Variants in ST6GALNAC3 observed in about 807,000 individuals in gnomAD.
ST6GALNAC3 encodes the protein alpha-N-acetylgalactosaminide alpha-2,6-sialyltransferase 3.
In ST6GALNAC3, 25 loss-of-function variants were observed where a neutral mutation model predicts 32.7. That is an observed-to-expected ratio of 0.76 (90% CI 0.56 to 1.07). ST6GALNAC3 has a LOEUF of 1.07. Among genes scored for constraint, ST6GALNAC3 ranks in the 50% least tolerant of loss-of-function variants. ST6GALNAC3 has a pLI of 0.00. For missense variants in ST6GALNAC3, 355 were observed against 382.4 expected (o/e 0.93, Z 0.60); for synonymous variants, 129 against 133.1 (o/e 0.97, Z 0.21).
chr1:76,175,926 G>C (rs1000439879), intron 1 of ST6GALNAC3, among the ~76,000 whole-genome samples: 9 of 151,940 alleles, frequency 5.9e-5, no homozygotes, highest in African/African-American at 1.9e-4. Context: ...CAAACCTATT[G>C]GTCATTTGGA....
At chr1:76,562,098 G>A (rs2100434548) in intron 3 of ST6GALNAC3, among the ~76,000 whole-genome samples, 1 of 152,224 alleles carries the variant, frequency 6.6e-6, no homozygotes, top group Middle Eastern at 3.4e-3. Context: ...AAGGGAGTAG[G>A]AGCAGGAATA....
intron 3 of ST6GALNAC3, among the ~76,000 whole-genome samples, chr1:76,540,242 A>C (rs1442874925): frequency 6.6e-6 from 1 of 152,162 alleles, no homozygotes; most frequent in African/African-American, 2.4e-5. Flanking sequence ...CATCTCCAGC[A>C]AACTAACACA....
intron 3 of ST6GALNAC3, among the ~76,000 whole-genome samples, chr1:76,578,615 T>C (rs556087102): frequency 6.6e-6 from 1 of 152,090 alleles, no homozygotes; most frequent in Admixed American, 6.6e-5. Context: ...CTAAGTCGAG[T>C]GCATTTTCTC....
chr1:76,348,030 A>AG (rs2101013081), intron 2 of ST6GALNAC3, among the ~76,000 whole-genome samples: 1 of 152,304 alleles, frequency 6.6e-6, no homozygotes, highest in South Asian at 2.1e-4. Context: ...AAACTCCGGT[A>AG]GTAATTGCAT....
chr1:76,601,102 G>T (rs571561662), intron 3 of ST6GALNAC3, among the ~76,000 whole-genome samples: 1 of 152,288 alleles, frequency 6.6e-6, no homozygotes. Context: ...GGAGGCTAAG[G>T]TGAAAGGATC....
intron 3 of ST6GALNAC3, among the ~76,000 whole-genome samples, chr1:76,562,904 G>A (rs1303005249): frequency 6.6e-6 from 1 of 152,070 alleles, no homozygotes; most frequent in African/African-American, 2.4e-5. Context: ...TGTCAGACCA[G>A]CTTTCTCATC....
chr1:76,392,126 A>C (rs181118537), intron 2 of ST6GALNAC3, among the ~76,000 whole-genome samples: 59 of 152,240 alleles, frequency 3.9e-4, no homozygotes, highest in Non-Finnish European at 2.4e-4. Flanking sequence ...AGTATCCCCC[A>C]ATTGTAACAA....
At chr1:76,515,426 A>C (rs530174398) in intron 3 of ST6GALNAC3, among the ~76,000 whole-genome samples, 101 of 150,564 alleles carry the variant, frequency 6.7e-4, no homozygotes, top group African/African-American at 2.3e-3. Context: ...TTCTGCTCTG[A>C]GCTTTATTAT....
intron 3 of ST6GALNAC3, among the ~76,000 whole-genome samples, chr1:76,416,621 G>A (rs182518233): frequency 2.2e-4 from 28 of 129,460 alleles, no homozygotes; most frequent in African/African-American, 7.9e-4. Context: ...AAGTATTGTG[G>A]GTTTTGTTTT....
At chr1:76,159,928 C>T (rs1475421376) in intron 1 of ST6GALNAC3, among the ~76,000 whole-genome samples, 1 of 152,136 alleles carries the variant, frequency 6.6e-6, no homozygotes, top group Non-Finnish European at 1.5e-5. Flanking sequence ...AAATCACTTG[C>T]TCAATCTTTA....
intron 3 of ST6GALNAC3, among the ~76,000 whole-genome samples, chr1:76,452,991 T>C (rs1244802095): frequency 6.6e-6 from 1 of 152,186 alleles, no homozygotes; most frequent in Non-Finnish European, 1.5e-5. Context: ...TTCTATTTCT[T>C]CCTGCTTTAA....
rs1570475370 is a variant in ST6GALNAC3, at chr1:76,624,292, G to T, written c.624-3160G>T. 3.3e-5 allele frequency among the ~76,000 whole-genome samples: 5 copies of T among 152,056 alleles called. No individual in the cohort carries two copies. In the South Asian group the frequency reaches 1.0e-3, roughly 32 times the overall value. On this transcript the variant is annotated intron_variant, in intron 3 of 4. Transcript: ENST00000328299. ...AAATGTGGTAAAGTTTCCTTATTAG[G>T]TGGTAAGATGGCAAGATCCTTGACC...
chr1:76,246,162 T>C (rs1657245865), intron 1 of ST6GALNAC3, among the ~76,000 whole-genome samples: 1 of 152,248 alleles, frequency 6.6e-6, no homozygotes, highest in South Asian at 2.1e-4. Context: ...CATTATGTAA[T>C]GCCCTTCTTT....
rs1211703628 is a variant in ST6GALNAC3, at chr1:76,434,784, G to GTTTTTT, written c.623+22386_623+22391dup. On this transcript the variant is annotated intron_variant, in intron 3 of 4. Coordinates refer to ENST00000328299, the MANE Select transcript of ST6GALNAC3 (RefSeq NM_152996.4). Reference sequence around the variant, plus strand: ...CTTTTTACTGCCTTTTTTTTTCTCTGTTTTTTTTTTTTTTTTTTTTTTTTG... The same window carrying GTTTTTT: ...CTTTTTACTGCCTTTTTTTTTCTCTGTTTTTTTTTTTTTTTTTTTTTTTTTTTTTTG... Among the ~76,000 whole-genome samples the GTTTTTT allele has an allele frequency of 1.1e-3, 79 of 72,202 alleles. 2 individuals are homozygous for GTTTTTT. Among genetic ancestry groups the GTTTTTT allele is most frequent in the Middle Eastern group, 0.018 (1 of 56 alleles). 47.4% of individuals were successfully genotyped at this position (72,202 alleles called of 152,430 possible). A position where few individuals can be genotyped will look rare whatever the true frequency, so the allele number is the denominator to read the frequency against.
intron 3 of ST6GALNAC3, among the ~76,000 whole-genome samples, chr1:76,494,552 C>CACACACAT (rs1196364967): frequency 5.0e-4 from 21 of 42,304 alleles, no homozygotes; most frequent in African/African-American, 2.1e-3. Flanking sequence ...TGTGTATAAA[C>CACACACAT]ACACACACAC....
chr1:76,403,398 G>A (rs1653577238), intron 2 of ST6GALNAC3, among the ~76,000 whole-genome samples: 1 of 152,054 alleles, frequency 6.6e-6, no homozygotes. Flanking sequence ...TCCTACCCCA[G>A]CATCTTCCCT....
intron 1 of ST6GALNAC3, among the ~76,000 whole-genome samples, chr1:76,291,556 T>C (rs1359508207): frequency 6.6e-6 from 1 of 152,226 alleles, no homozygotes; most frequent in East Asian, 1.9e-4. Context: ...AAAGAACATT[T>C]TGGATCCCGA....
intron 1 of ST6GALNAC3, among the ~76,000 whole-genome samples, chr1:76,199,279 A>G (rs17668894): frequency 6.6e-6 from 1 of 152,166 alleles, no homozygotes; most frequent in Non-Finnish European, 1.5e-5. Context: ...AGATGCTGTA[A>G]CTTAAAAGGA....
chr1:76,347,517 A>G (rs1648621055), intron 2 of ST6GALNAC3, among the ~76,000 whole-genome samples: 1 of 152,060 alleles, frequency 6.6e-6, no homozygotes, highest in South Asian at 2.1e-4. Flanking sequence ...TATATACCAA[A>G]ATACAATACA....
Sources: gnomAD v4.1 joint callset for allele counts (sites outside exome capture counted in the v4.1 genomes callset) on GRCh38, gnomAD v4.1.1 for gene constraint, MANE v1.5 for transcripts, NCBI Gene and HGNC (gene_info 2026-07-23, HGNC 2026-07-21) for gene names.